The following ICA1 variants were observed in gnomAD, a reference collection of about 807,000 sequenced individuals.
ICA1 encodes 69 kDa islet cell autoantigen.
Under a neutral mutation model 71.0 loss-of-function variants are expected in ICA1, and 40 were observed. The observed-to-expected ratio is 0.56, with a 90% confidence interval of 0.44 to 0.73. The LOEUF is 0.73. Among genes scored for constraint, ICA1 ranks in the 30% least tolerant of loss-of-function variants. ICA1 has a pLI of 0.00. For synonymous variants in ICA1, 207 were observed against 209.5 expected, an observed-to-expected ratio of 0.99 and a Z score of 0.10; for missense variants, 578 against 576.5, an observed-to-expected ratio of 1.00 and a Z score of -0.03.
chr7:8,152,606 TACC>T (rs1799337711), intron 8 of ICA1, among the ~76,000 whole-genome samples: 1 of 104,596 alleles, frequency 9.6e-6, no homozygotes, highest in African/African-American at 3.6e-5. Context: ...CCCCCAGCAC[TACC>T]ACCATCACCT....
rs1796343736 is a variant in ICA1 at position 8,219,347 on chromosome 7, T to C, written c.381-844A>G. On this transcript the variant is annotated intron_variant, in intron 5 of 13. Coordinates refer to ENST00000402384, the MANE Select transcript of ICA1 (RefSeq NM_001136020.3). ...GTTTCAGGGCACAGGTGCCAAAAAA[T>C]GAATATTTAAATTTCAATTTAAATG... Among the ~76,000 whole-genome samples the C allele has an allele frequency of 2.6e-5, 4 of 152,200 alleles. No individual in the cohort carries two copies. The South Asian group carries it at 8.3e-4, about 31-fold the overall frequency.
chr7:8,221,530 G>C (rs1797069272), intron 4 of ICA1, 132 bp from the exon 5 acceptor site: 2 of 1,005,880 alleles, frequency 2.0e-6, no homozygotes, highest in Non-Finnish European at 2.9e-6. Flanking sequence ...TAAGCGGCAG[G>C]CTACAGGGTA....
At chr7:8,214,474 C>T (rs1794774624) in intron 6 of ICA1, among the ~76,000 whole-genome samples, 2 of 152,220 alleles carry the variant, frequency 1.3e-5, no homozygotes, top group African/African-American at 4.8e-5. Context: ...AGCCCTGCCC[C>T]TTTAAATCCA....
At chr7:8,135,523 G>A (rs555955297) in intron 12 of ICA1, among the ~76,000 whole-genome samples, 61 of 152,276 alleles carry the variant, frequency 4.0e-4, no homozygotes, top group African/African-American at 1.4e-3. Flanking sequence ...TTGCCACTTC[G>A]TATGCGAGGA....
At chr7:8,156,937 AAAAAAAAAAAAAAAAAAGAAAG>A (rs761780662) in intron 8 of ICA1, 157 bp downstream of exon 8, 18,428 of 1,369,944 alleles carry the variant, frequency 0.013, 39 homozygotes, top group Non-Finnish European at 0.016. Context: ...AGTAAAAAAA[AAAAAAAAAAAAAAAAAAGAAAG>A]AAAGAAAGAA....
intron 8 of ICA1, among the ~76,000 whole-genome samples, chr7:8,151,144 C>G (rs1232501783): frequency 6.6e-6 from 1 of 152,236 alleles, no homozygotes; most frequent in African/African-American, 2.4e-5. Context: ...CTCCTAGACA[C>G]TATTTCACCT....
At chr7:8,244,740 T>C (rs1805316159) in intron 1 of ICA1, among the ~76,000 whole-genome samples, 1 of 152,066 alleles carries the variant, frequency 6.6e-6, no homozygotes, top group Non-Finnish European at 1.5e-5. Context: ...CATCAAAAAG[T>C]GGGCAAAGGA....
intron 6 of ICA1, among the ~76,000 whole-genome samples, chr7:8,209,446 G>A (rs993439248): frequency 6.6e-6 from 1 of 152,086 alleles, no homozygotes; most frequent in Non-Finnish European, 1.5e-5. Flanking sequence ...ATGACTCCTC[G>A]CTTGCATACC....
chr7:8,242,403 C>G (rs1049736080), intron 1 of ICA1, among the ~76,000 whole-genome samples: 1 of 152,146 alleles, frequency 6.6e-6, no homozygotes, highest in Non-Finnish European at 1.5e-5. Context: ...ATCTCTGGGA[C>G]ACATTTAAAG....
chr7:8,261,805 C>A (rs1209802796), intron 1 of ICA1, among the ~76,000 whole-genome samples: 1 of 152,140 alleles, frequency 6.6e-6, no homozygotes, highest in Non-Finnish European at 1.5e-5. Flanking sequence ...GGGGCCGGAG[C>A]GCGGAACGCT....
intron 6 of ICA1, among the ~76,000 whole-genome samples, chr7:8,203,467 G>C (rs763746604): frequency 6.6e-6 from 1 of 151,984 alleles, no homozygotes; most frequent in Non-Finnish European, 1.5e-5. Flanking sequence ...GCTATTTCAC[G>C]ATGGTGCTCT....
chr7:8,239,202 T>C (rs1802890130), intron 1 of ICA1, among the ~76,000 whole-genome samples: 1 of 152,208 alleles, frequency 6.6e-6, no homozygotes, highest in African/African-American at 2.4e-5. Flanking sequence ...TTAATAAACA[T>C]CTTAAGATTT....
intron 10 of ICA1, among the ~76,000 whole-genome samples, chr7:8,140,000 C>G (rs894633064): frequency 6.6e-6 from 1 of 152,144 alleles, no homozygotes; most frequent in African/African-American, 2.4e-5. Flanking sequence ...TCGACATTTA[C>G]AATCTCAAAA....
At chr7:8,187,859 AG>A (rs1484381729) in intron 6 of ICA1, among the ~76,000 whole-genome samples, 2 of 152,260 alleles carry the variant, frequency 1.3e-5, no homozygotes, top group Non-Finnish European at 2.9e-5. Flanking sequence ...AGGAATTGTC[AG>A]CCCCATTGTT....
At chr7:8,218,661 G>C (rs1016183321) in intron 5 of ICA1, 158 bp from the exon 6 acceptor site, 2 of 652,392 alleles carry the variant, frequency 3.1e-6, no homozygotes, top group African/African-American at 3.6e-5. Flanking sequence ...AATGCATGTA[G>C]TTCCAACTGA....
intron 6 of ICA1, among the ~76,000 whole-genome samples, chr7:8,207,445 TA>T (rs1791989986): frequency 6.6e-6 from 1 of 152,240 alleles, no homozygotes; most frequent in Non-Finnish European, 1.5e-5. Context: ...GCTTAATTAT[TA>T]GGAGTGGGAT....
At chr7:8,219,890 T>C (rs1339920660) in intron 5 of ICA1, among the ~76,000 whole-genome samples, 1 of 152,234 alleles carries the variant, frequency 6.6e-6, no homozygotes, top group South Asian at 2.1e-4. Context: ...CTCACTGAAG[T>C]TAGTGATAAT....
chr7:8,260,605 A>G (rs111548551), intron 1 of ICA1, among the ~76,000 whole-genome samples: 1 of 152,250 alleles, frequency 6.6e-6, no homozygotes, highest in Non-Finnish European at 1.5e-5. Flanking sequence ...AGAAAGCAAC[A>G]TCTCCTGCAA....
chr7:8,176,034 C>T lies in ICA1; in HGVS notation c.580-17382G>A, dbSNP rs144682036. Among the ~76,000 whole-genome samples the T allele has an allele frequency of 9.3e-3, 1,415 of 152,300 alleles. 13 individuals are homozygous for T. Among genetic ancestry groups the T allele is most frequent in the Non-Finnish European group, 0.015 (995 of 68,016 alleles). ...TACAACTGTTTCATTCTGCAACTCC[C>T]CTCATTTTACAGAGGAGAAAGCTTA... On this transcript the variant is annotated intron_variant, in intron 6 of 13. Transcript: ENST00000402384.
Sources: allele counts gnomAD v4.1 joint callset (sites outside exome capture counted in the v4.1 genomes callset), GRCh38; gene constraint gnomAD v4.1.1; transcripts MANE v1.5; gene names NCBI Gene and HGNC (gene_info 2026-07-23, HGNC 2026-07-21).